Variants in PCDHA3 observed in about 807,000 individuals in gnomAD.
PCDHA3 encodes the protein protocadherin alpha 3, also known as protocadherin alpha-3.
A neutral mutation model predicts 62.2 loss-of-function variants in PCDHA3; 41 were observed. The observed-to-expected ratio is 0.66, with a 90% CI of 0.51 to 0.86. PCDHA3 has a LOEUF of 0.86. Among genes scored for constraint, PCDHA3 ranks in the 40% least tolerant of loss-of-function variants. The pLI is 0.00. For missense variants in PCDHA3, 1,304 were observed against 1,241.2 expected (o/e 1.05, Z -0.76); for synonymous variants, 640 against 555.4 (o/e 1.15, Z -2.14).
rs782014250 is a variant in PCDHA3, at chr5:140,883,952, G to T, written c.2394+80361G>T. On this transcript the variant is annotated intron_variant, in intron 1 of 3. Transcript: ENST00000522353. The stretch of plus-strand genomic sequence containing the variant: ...GTTCGTGCTGGACGAGAACGACAAC[G>T]CTCCGGCGCTGCTGACGCCCGGGGC... 2.0e-5 allele frequency: 32 copies of T among 1,613,030 alleles called. No individual in the cohort carries two copies. The highest frequency in any genetic ancestry group is 2.6e-5 in the Non-Finnish European group (31 of 1,179,806).
In PCDHA3 at chr5:140,876,415, G is replaced by C. The variant is rs782679956; in HGVS notation, c.2394+72824G>C. 3 of 1,613,842 alleles carry C rather than the reference G, an allele frequency of 1.9e-6. No individual in the cohort carries two copies. The African/African-American group carries it at 4.0e-5, about 22-fold the overall frequency. On this transcript the variant is annotated intron_variant, in intron 1 of 3. Transcript: ENST00000522353. ...TGAACTGGATTTTGAAGAGAATAATGCCTATGAAATTCAGGTTAACGCCAT... is the reference window on the plus strand; with the variant it reads ...TGAACTGGATTTTGAAGAGAATAATCCCTATGAAATTCAGGTTAACGCCAT...
At chr5:140,926,906 G>T in intron 1 of PCDHA3, 1 of 1,559,584 alleles carries the variant, frequency 6.4e-7, no homozygotes, top group Non-Finnish European at 8.7e-7. Context: ...GTGGGCTGTG[G>T]GGTGGCAGTT....
chr5:140,914,915 T>G (rs1037949691), intron 1 of PCDHA3, among the ~76,000 whole-genome samples: 8 of 151,746 alleles, frequency 5.3e-5, no homozygotes, highest in Non-Finnish European at 1.0e-4. Context: ...TTTCTCTGTG[T>G]CTTATTGTAC....
intron 1 of PCDHA3, chr5:140,969,293 C>T: frequency 6.2e-7 from 1 of 1,614,188 alleles, no homozygotes; most frequent in Admixed American, 1.7e-5. Flanking sequence ...TGCTGGGAAC[C>T]TGATTATTCT....
chr5:140,955,701 A>G (rs1381358710), intron 1 of PCDHA3, among the ~76,000 whole-genome samples: 1 of 152,150 alleles, frequency 6.6e-6, no homozygotes, highest in Non-Finnish European at 1.5e-5. Context: ...ATGTCAATGG[A>G]AGTTTAATAG....
rs781924329 is a variant in PCDHA3, at chr5:140,856,796, A to T, written c.2394+53205A>T. 42 of 1,595,540 alleles carry T rather than the reference A, an allele frequency of 2.6e-5. 2 individuals carry two copies. The highest frequency in any genetic ancestry group is 1.8e-4 in the South Asian group (16 of 90,506). ...TGACAGACCGGTTTATGAAGTTAAG[A>T]TGTATGAAAATCAAGTGAACCAAAC... On this transcript the variant is annotated intron_variant, in intron 1 of 3. Transcript: ENST00000522353.
chr5:140,889,551 C>A (rs981990006), intron 1 of PCDHA3, among the ~76,000 whole-genome samples: 1 of 152,074 alleles, frequency 6.6e-6, no homozygotes, highest in Non-Finnish European at 1.5e-5. Flanking sequence ...ATTTACTTTT[C>A]TTCAGAATTC....
intron 1 of PCDHA3, chr5:140,841,864 T>C (rs1554138599): frequency 3.1e-6 from 5 of 1,613,852 alleles, no homozygotes; most frequent in Non-Finnish European, 4.2e-6. Flanking sequence ...TCATGCTAGA[T>C]GTGAATTCAA....
intron 1 of PCDHA3, chr5:140,928,490 CT>C: frequency 1.2e-6 from 2 of 1,614,150 alleles, no homozygotes; most frequent in Non-Finnish European, 1.7e-6. Context: ...GGTGGCATTC[CT>C]CCCAGAAGTG....
intron 1 of PCDHA3, among the ~76,000 whole-genome samples, chr5:140,977,388 T>C (rs1187960215): frequency 6.6e-6 from 1 of 152,248 alleles, no homozygotes; most frequent in East Asian, 1.9e-4. Flanking sequence ...TCCAGGTTTA[T>C]AAAATGATTT....
chr5:140,967,980 A>G (rs1554230169), intron 1 of PCDHA3: 1 of 1,614,198 alleles, frequency 6.2e-7, no homozygotes, highest in African/African-American at 1.3e-5. Context: ...CTGGGTCTGG[A>G]GGCCACACTG....
chr5:140,892,793 A>G (rs1292583572), intron 1 of PCDHA3, among the ~76,000 whole-genome samples: 1 of 152,224 alleles, frequency 6.6e-6, no homozygotes, highest in Non-Finnish European at 1.5e-5. Context: ...TATGTAAGAA[A>G]TTATAGTTAA....
intron 1 of PCDHA3, among the ~76,000 whole-genome samples, chr5:140,846,372 T>C (rs1014223048): frequency 1.5e-5 from 1 of 66,612 alleles, no homozygotes; most frequent in Non-Finnish European, 3.6e-5. Flanking sequence ...TTTCTTTCTT[T>C]CTTTTTTTTT....
chr5:140,896,536 CT>C (rs34213614), intron 1 of PCDHA3, among the ~76,000 whole-genome samples: 112 of 145,476 alleles, frequency 7.7e-4, no homozygotes, highest in Admixed American at 9.6e-4. Flanking sequence ...AGCTATTTTT[CT>C]TTTTTTTTTT....
chr5:140,904,235 T>A (rs147535141), intron 1 of PCDHA3, among the ~76,000 whole-genome samples: 1,856 of 152,070 alleles, frequency 0.012, 44 homozygotes, highest in African/African-American at 0.042. Flanking sequence ...TACTTATGCC[T>A]TTGCATCCTC....
chr5:140,884,819 A>G (rs782729760), intron 1 of PCDHA3: 398 of 1,018,150 alleles, frequency 3.9e-4, no homozygotes, highest in Admixed American at 1.1e-3. Context: ...TGTGGACATT[A>G]TGTGTTGGAT....
At chr5:140,944,077 G>A (rs913476675) in intron 1 of PCDHA3, among the ~76,000 whole-genome samples, 1 of 152,204 alleles carries the variant, frequency 6.6e-6, no homozygotes, top group Non-Finnish European at 1.5e-5. Context: ...TAAAGATAAA[G>A]GAGGCCTGAG....
chr5:140,923,644 C>G (rs1554201552), intron 1 of PCDHA3, among the ~76,000 whole-genome samples: 1 of 152,204 alleles, frequency 6.6e-6, no homozygotes. Flanking sequence ...AAATCTTTAG[C>G]CTCCCTTATC....
intron 1 of PCDHA3, among the ~76,000 whole-genome samples, chr5:140,911,819 A>C (rs2075652599): frequency 6.6e-6 from 1 of 152,164 alleles, no homozygotes; most frequent in Admixed American, 6.6e-5. Context: ...CTTCTCCAGA[A>C]ACCCCAAAAC....
Sources: allele counts gnomAD v4.1 joint callset (sites outside exome capture counted in the v4.1 genomes callset), GRCh38; gene constraint gnomAD v4.1.1; transcripts MANE v1.5; gene names NCBI Gene and HGNC (gene_info 2026-07-23, HGNC 2026-07-21).